PLCG2: variants seen among roughly 807,000 people sequenced by gnomAD.
PLCG2 encodes the protein 1-phosphatidylinositol 4,5-bisphosphate phosphodiesterase gamma-2.
Under a neutral mutation model 175.6 loss-of-function variants are expected in PLCG2, and 69 were observed. The observed-to-expected ratio is 0.39, with a 90% confidence interval of 0.32 to 0.48. The LOEUF is 0.48. Ranked by LOEUF, PLCG2 falls within the 20% of genes least tolerant of loss-of-function variation. The probability of loss-of-function intolerance (pLI) is 0.91; values close to 1 mark genes in which losing one functional copy is unlikely to be tolerated. For synonymous variants in PLCG2, 827 were observed against 624.0 expected (o/e 1.33, Z -4.85); for missense variants, 1,798 against 1,650.9 (o/e 1.09, Z -1.54).
chr16:81,956,820 TAA>T lies in PLCG2; in HGVS notation c.3698_3699del (p.Lys1233ArgfsTer5), dbSNP rs746342905. On this transcript the variant is annotated frameshift_variant, in exon 32 of 33. Transcript: ENST00000564138. LOFTEE classifies it high-confidence loss of function. The part of the protein sequence containing the change: ...LRNANRDALV[K>X]EFSVNENQLQ... The stretch of plus-strand genomic sequence containing the variant: ...GCAATGCCAACCGGGATGCCCTGGT[TAA>T]AGAGTTCAGTGTTAATGAGAACCAG... The T allele has an allele frequency of 4.3e-6, 7 of 1,614,038 alleles. No homozygotes were observed.
intron 14 of PLCG2, among the ~76,000 whole-genome samples, chr16:81,901,004 T>C (rs4545811): frequency 1 from 152,187 of 152,380 alleles, 75,998 homozygotes; most frequent in Non-Finnish European, 1. Context: ...ATACTGGAAC[T>C]CATCTGGCTA....
chr16:81,745,433 C>T (rs945250959), intron 1 of PLCG2, among the ~76,000 whole-genome samples: 16 of 152,180 alleles, frequency 1.1e-4, no homozygotes, highest in Admixed American at 1.0e-3. Context: ...TCAGTTTCAT[C>T]CAAACAACGA....
At position 81,909,347 on chromosome 16, in the gene PLCG2, C is replaced by G. The variant is rs575789080; in HGVS notation, c.1733+756C>G. Among the ~76,000 whole-genome samples the G allele has an allele frequency of 5.7e-4, 87 of 152,250 alleles. No homozygotes were observed. In the South Asian group the frequency reaches 0.017, roughly 30 times the overall value. Reference sequence around the variant, plus strand: ...AGTCTGTGAGGAAGGCTCTGATGCCCTGACGTGGGGAATGGTTAGGAAAAC... The same window carrying G: ...AGTCTGTGAGGAAGGCTCTGATGCCGTGACGTGGGGAATGGTTAGGAAAAC... On this transcript the variant is annotated intron_variant, in intron 17 of 32. Coordinates refer to ENST00000564138, the MANE Select transcript of PLCG2 (RefSeq NM_002661.5).
rs1911701834 is a variant in PLCG2 at position 81,959,476 on chromosome 16, C to G, written c.*1478C>G. On this transcript the variant is annotated 3_prime_UTR_variant, in exon 33 of 33. Coordinates refer to ENST00000564138, the MANE Select transcript of PLCG2 (RefSeq NM_002661.5). ...GATGTTTAAACAAAAAGCTGTGGGT[C>G]TCATCAATCATCTCCATCCACAAGC... The G allele has an allele frequency of 4.6e-6, 1 of 215,622 alleles. No homozygotes were observed. The highest frequency in any genetic ancestry group is 9.3e-6 in the Non-Finnish European group (1 of 107,032). 13.4% of individuals were successfully genotyped at this position (215,622 alleles called of 1,614,324 possible). A position where few individuals can be genotyped will look rare whatever the true frequency, so the allele number is the denominator to read the frequency against.
At chr16:81,768,198 G>C (rs1910195227) in intron 2 of PLCG2, among the ~76,000 whole-genome samples, 1 of 152,176 alleles carries the variant, frequency 6.6e-6, no homozygotes, top group Non-Finnish European at 1.5e-5. Flanking sequence ...CTTTCACTCA[G>C]CTTAGTCATG....
At chr16:81,864,476 T>C (rs1032229371) in intron 5 of PLCG2, among the ~76,000 whole-genome samples, 5 of 152,218 alleles carry the variant, frequency 3.3e-5, no homozygotes, top group African/African-American at 7.2e-5. Flanking sequence ...TGTCAGATGG[T>C]GCTGAGGTTT....
At chr16:81,740,052 C>T (rs1909551309) in intron 1 of PLCG2, among the ~76,000 whole-genome samples, 1 of 145,028 alleles carries the variant, frequency 6.9e-6, no homozygotes, top group Admixed American at 7.2e-5. Flanking sequence ...GCAGGAGAAT[C>T]ACTTGAGCCT....
intron 2 of PLCG2, among the ~76,000 whole-genome samples, chr16:81,828,612 G>T (rs1905138812): frequency 1.3e-5 from 2 of 152,092 alleles, no homozygotes; most frequent in African/African-American, 4.8e-5. Context: ...GTTTTGATCA[G>T]CGAGTCCTTG....
At chr16:81,787,391 TAA>T (rs1911020085) in intron 2 of PLCG2, among the ~76,000 whole-genome samples, 1 of 119,466 alleles carries the variant, frequency 8.4e-6, no homozygotes, top group Non-Finnish European at 1.7e-5. Context: ...CTGGATAATT[TAA>T]TTTTTTTTTT....
At chr16:81,872,264 G>T (rs147830709) in intron 7 of PLCG2, among the ~76,000 whole-genome samples, 1,817 of 152,224 alleles carry the variant, frequency 0.012, 40 homozygotes, top group African/African-American at 0.038. Flanking sequence ...GGAGGCGGAG[G>T]TTGCAGTGAG....
In PLCG2 at chr16:81,912,611, G is replaced by C; in HGVS notation, c.1949G>C (p.Ser650Thr). The C allele has an allele frequency of 6.2e-7, 1 of 1,613,078 alleles. No individual in the cohort carries two copies. The highest frequency in any genetic ancestry group is 8.5e-7 in the Non-Finnish European group (1 of 1,179,802). ...CTGTGCCGCAGGTGGTACTATGACAGCCTGAGCCGCGGAGAGGCAGAGGAC... is the reference window on the plus strand; with the variant it reads ...CTGTGCCGCAGGTGGTACTATGACACCCTGAGCCGCGGAGAGGCAGAGGAC... ...PHESKPWYYD[S>T]LSRGEAEDML... Residue 650 changes from serine to threonine, a missense_variant, in exon 19 of 33, where the codon AGC becomes ACC. Transcript: ENST00000564138.
At chr16:81,853,206 C>A (rs1188072129) in intron 2 of PLCG2, among the ~76,000 whole-genome samples, 1 of 152,100 alleles carries the variant, frequency 6.6e-6, no homozygotes, top group Non-Finnish European at 1.5e-5. Context: ...TGGCACATGC[C>A]TGTAATCCCA....
In PLCG2 at chr16:81,819,631, C is replaced by G. The variant is rs114173548; in HGVS notation, c.193+33449C>G. On this transcript the variant is annotated intron_variant, in intron 2 of 32. Coordinates refer to ENST00000564138, the MANE Select transcript of PLCG2 (RefSeq NM_002661.5). ...ACCAAGCTTCGCTCTTTCGCCCAGG[C>G]TGTAGTGCGGTGGCGCTATCTCGGC... is the stretch of plus-strand genomic sequence containing the variant. Among the ~76,000 whole-genome samples the G allele has an allele frequency of 2.1e-3, 322 of 152,344 alleles. 3 individuals are homozygous for G. Among genetic ancestry groups the G allele is most frequent in the African/African-American group, 7.2e-3 (299 of 41,568 alleles).
intron 2 of PLCG2, among the ~76,000 whole-genome samples, chr16:81,838,952 A>T (rs1905677710): frequency 6.6e-6 from 1 of 152,010 alleles, no homozygotes; most frequent in Non-Finnish European, 1.5e-5. Flanking sequence ...CCCATCAGTG[A>T]GTCTTGCATG....
chr16:81,926,091 G>GA (rs1325758325), intron 22 of PLCG2, among the ~76,000 whole-genome samples: 3 of 152,008 alleles, frequency 2.0e-5, no homozygotes, highest in Non-Finnish European at 4.4e-5. Flanking sequence ...TAAATTAGTG[G>GA]GGGGAAGTTG....
At chr16:81,770,908 A>G (rs956199168) in intron 2 of PLCG2, among the ~76,000 whole-genome samples, 2 of 151,246 alleles carry the variant, frequency 1.3e-5, no homozygotes, top group African/African-American at 2.4e-5. Context: ...AAAACAAAAA[A>G]TTAGCTGGGC....
At chr16:81,860,031 C>T (rs1906888659) in intron 5 of PLCG2, among the ~76,000 whole-genome samples, 1 of 151,864 alleles carries the variant, frequency 6.6e-6, no homozygotes, top group African/African-American at 2.4e-5. Flanking sequence ...AGGGCAGTGG[C>T]ACAGTCATAG....
At position 81,891,398 on chromosome 16, in the gene PLCG2, C is replaced by T. The variant is rs76593045; in HGVS notation, c.868-74C>T. On this transcript the variant is annotated intron_variant, in intron 10 of 32. Coordinates refer to ENST00000564138, the MANE Select transcript of PLCG2 (RefSeq NM_002661.5). ...AGAGCTGTTCTTCCCCCCTGGTGGG[C>T]GCAGACCAGAAACAAGCAGACACCA... 4,064 of 869,188 alleles carry T rather than the reference C, an allele frequency of 4.7e-3. 98 individuals carry two copies. The African/African-American group carries it at 0.06, about 13-fold the overall frequency. 53.8% of individuals were successfully genotyped at this position (869,188 alleles called of 1,614,324 possible).
At chr16:81,772,901 C>T (rs1910314699) in intron 2 of PLCG2, among the ~76,000 whole-genome samples, 1 of 152,196 alleles carries the variant, frequency 6.6e-6, no homozygotes, top group Non-Finnish European at 1.5e-5. Flanking sequence ...TGCCTTCTTG[C>T]TCTGTGCCAG....
Sources: allele counts gnomAD v4.1 joint callset (sites outside exome capture counted in the v4.1 genomes callset), GRCh38; gene constraint gnomAD v4.1.1; transcripts MANE v1.5; gene names NCBI Gene and HGNC (gene_info 2026-07-23, HGNC 2026-07-21).